The following ITSN1 variants were observed in gnomAD, a reference collection of about 807,000 sequenced individuals.
ITSN1 encodes the protein intersectin-1.
In ITSN1, 58 loss-of-function variants were observed where a neutral mutation model predicts 239.8. That is an observed-to-expected ratio of 0.24 (90% confidence interval 0.20 to 0.30). ITSN1 has a LOEUF of 0.30. ITSN1 is among the 10% of genes least tolerant of loss of function. The pLI is 1.00. For synonymous variants in ITSN1, 780 were observed against 770.8 expected (o/e 1.01, Z -0.20); for missense variants, 1,558 against 2,103.3 (o/e 0.74, Z 5.07).
At chr21:33,743,445 G>T (rs2066986494) in intron 5 of ITSN1, among the ~76,000 whole-genome samples, 3 of 152,204 alleles carry the variant, frequency 2.0e-5, no homozygotes. Flanking sequence ...CAGCCTCGGG[G>T]ATAGAGTGAG....
At chr21:33,773,350 A>G (rs918556811) in intron 12 of ITSN1, among the ~76,000 whole-genome samples, 49 of 152,214 alleles carry the variant, frequency 3.2e-4, no homozygotes, top group African/African-American at 1.2e-3. Flanking sequence ...TATGTCTGGG[A>G]CATCCTCCCT....
Position 33,782,152 on chromosome 21 carries a change from C to A in ITSN1, c.1824+19C>A. The A allele has an allele frequency of 6.2e-7, 1 of 1,609,402 alleles. No individual in the cohort carries two copies. Among genetic ancestry groups the A allele is most frequent in the East Asian group, 2.2e-5 (1 of 44,820 alleles). On this transcript the variant is annotated intron_variant, in intron 16 of 39. Transcript: ENST00000381318. ...GCTGAAGGTAACTCTTCTATGTGTG[C>A]CTGCATGTGTGTCCTACCTTTAATT...
intron 30 of ITSN1, among the ~76,000 whole-genome samples, chr21:33,857,317 A>T (rs1231668446): frequency 6.6e-6 from 1 of 152,232 alleles, no homozygotes; most frequent in African/African-American, 2.4e-5. Flanking sequence ...CCTGTCACTG[A>T]GAATGGCAAC....
chr21:33,802,077 A>AT (rs376017651), intron 19 of ITSN1, among the ~76,000 whole-genome samples: 24 of 150,510 alleles, frequency 1.6e-4, no homozygotes, highest in South Asian at 4.2e-4. Flanking sequence ...CCTCATTACA[A>AT]TTTTTTTTTT....
rs1044567286 is a variant in ITSN1, at chr21:33,874,542, G to A, written c.4174-812G>A. 5.9e-5 allele frequency among the ~76,000 whole-genome samples: 9 copies of A among 152,188 alleles called. No homozygotes were observed. In the East Asian group the frequency reaches 9.6e-4, roughly 16 times the overall value. The stretch of plus-strand genomic sequence containing the variant: ...TGCATTGTATGTTCCCCAAGTGAGT[G>A]AACAGGTGGGAAAATAGCACGGAAC... On this transcript the variant is annotated intron_variant, in intron 33 of 39. Transcript: ENST00000381318.
chr21:33,881,230 AC>A (rs1325028247), intron 34 of ITSN1, among the ~76,000 whole-genome samples: 2 of 151,564 alleles, frequency 1.3e-5, no homozygotes, highest in African/African-American at 4.9e-5. Flanking sequence ...ACATGGTGAA[AC>A]CCCGTCTCTA....
chr21:33,806,136 G>A (rs1223310014), intron 20 of ITSN1, among the ~76,000 whole-genome samples: 6 of 151,016 alleles, frequency 4.0e-5, no homozygotes, highest in African/African-American at 7.3e-5. Context: ...GCATGAACCC[G>A]GGAGGCGGAG....
At chr21:33,706,571 A>G (rs1011287576) in intron 1 of ITSN1, among the ~76,000 whole-genome samples, 2 of 151,574 alleles carry the variant, frequency 1.3e-5, no homozygotes, top group Admixed American at 6.6e-5. Flanking sequence ...ACTATGCTTC[A>G]CCCTACCTCA....
rs1006859984 is a variant in ITSN1, at chr21:33,654,584, C to T, written c.-33+11871C>T. Among the ~76,000 whole-genome samples the T allele has an allele frequency of 9.1e-4, 139 of 152,252 alleles. 2 individuals carry two copies. The highest frequency in any genetic ancestry group is 2.1e-4 in the Non-Finnish European group (14 of 68,014). ...ATTTCTTCCTACCTCCTTCTCTACA[C>T]AAAAGACATAATACATTGAACTCGG... is the stretch of plus-strand genomic sequence containing the variant. On this transcript the variant is annotated intron_variant, in intron 1 of 39. Transcript: ENST00000381318.
At chr21:33,810,343 A>G (rs577782735) in intron 20 of ITSN1, among the ~76,000 whole-genome samples, 1 of 152,336 alleles carries the variant, frequency 6.6e-6, no homozygotes, top group East Asian at 1.9e-4. Flanking sequence ...TATACAAAAG[A>G]AAACTACAGG....
Position 33,829,735 on chromosome 21 carries a change from G to A in ITSN1, c.3341G>A (p.Gly1114Glu), listed in dbSNP as rs768502491. The part of the protein sequence containing the change: ...RKKNPGGWWE[G>E]ELQARGKKRQ... ...AAGAACCCAGGTGGATGGTGGGAAGGAGAGCTGCAAGTCAGTGTCTTTTTT... is the reference window on the plus strand; with the variant it reads ...AAGAACCCAGGTGGATGGTGGGAAGAAGAGCTGCAAGTCAGTGTCTTTTTT... The change falls in exon 27 of 40, where the codon GGA (glycine) becomes GAA (glutamate). Residue 1114 changes from glycine to glutamate, a missense_variant. By Grantham distance (98) the Gly-to-Glu change is moderately conservative (BLOSUM62 -2). This residue lies in a region of ITSN1 where 576 missense variants were observed against 893.3 expected (regional missense o/e 0.64). Transcript: ENST00000381318. 2 of 1,613,850 alleles carry A rather than the reference G, an allele frequency of 1.2e-6. No homozygotes were observed. The highest frequency in any genetic ancestry group is 1.7e-6 in the Non-Finnish European group (2 of 1,179,990).
At chr21:33,742,795 A>C (rs926795720) in intron 5 of ITSN1, among the ~76,000 whole-genome samples, 3 of 152,222 alleles carry the variant, frequency 2.0e-5, no homozygotes, top group African/African-American at 7.2e-5. Context: ...TGGAATTCCT[A>C]AGAAGCAAGG....
intron 27 of ITSN1, among the ~76,000 whole-genome samples, chr21:33,832,848 G>A (rs1286880321): frequency 6.6e-6 from 1 of 152,176 alleles, no homozygotes. Context: ...AGGTAATGTG[G>A]TGGAAGTTTT....
intron 29 of ITSN1, among the ~76,000 whole-genome samples, chr21:33,841,556 T>A (rs1313725550): frequency 6.6e-6 from 1 of 152,142 alleles, no homozygotes; most frequent in Non-Finnish European, 1.5e-5. Flanking sequence ...ACAGTGGCCT[T>A]GGAAGGGGCT....
intron 1 of ITSN1, among the ~76,000 whole-genome samples, chr21:33,676,907 C>T (rs1031506342): frequency 1.3e-5 from 2 of 150,962 alleles, no homozygotes; most frequent in Non-Finnish European, 2.9e-5. Flanking sequence ...ACATTTTCGA[C>T]AGAAAACCAA....
Position 33,666,065 on chromosome 21 carries a change from A to T in ITSN1, c.-33+23352A>T, listed in dbSNP as rs575419379. ...TGCCTGAGCCTCCTGAGTAGCTGGG[A>T]TTACAGGTGCCCACTGTCGTGCCCA... On this transcript the variant is annotated intron_variant, in intron 1 of 39. Transcript: ENST00000381318. Among the ~76,000 whole-genome samples the T allele has an allele frequency of 3.9e-5, 6 of 152,070 alleles. No homozygotes were observed. In the South Asian group the frequency reaches 1.2e-3, roughly 32 times the overall value.
intron 4 of ITSN1, among the ~76,000 whole-genome samples, chr21:33,724,807 T>G (rs1057373000): frequency 6.6e-6 from 1 of 152,162 alleles, no homozygotes; most frequent in African/African-American, 2.4e-5. Context: ...TACACTCTAA[T>G]GAATTTCATT....
chr21:33,776,544 CAAA>C (rs34789155), intron 14 of ITSN1, among the ~76,000 whole-genome samples: 12 of 88,804 alleles, frequency 1.4e-4, no homozygotes, highest in African/African-American at 2.2e-4. Flanking sequence ...AGACCCTGTT[CAAA>C]AAAAAAAAAA....
intron 1 of ITSN1, among the ~76,000 whole-genome samples, chr21:33,666,923 C>A (rs1208818869): frequency 6.6e-6 from 1 of 152,200 alleles, no homozygotes; most frequent in African/African-American, 2.4e-5. Context: ...GCCTCTCAGC[C>A]TCCCAACTGG....
Sources: allele counts gnomAD v4.1 joint callset (sites outside exome capture counted in the v4.1 genomes callset), GRCh38; gene constraint gnomAD v4.1.1; regional missense constraint gnomAD v4.1.1; transcripts MANE v1.5; gene names NCBI Gene and HGNC (gene_info 2026-07-23, HGNC 2026-07-21).